Variants in WNK2 observed in about 807,000 individuals in gnomAD.
The protein encoded by WNK2 is WNK lysine deficient protein kinase 2.
In WNK2, 67 loss-of-function variants were observed where a neutral mutation model predicts 192.1. The ratio of observed to expected loss-of-function variants is 0.35; its 90% CI spans 0.29 to 0.43. The LOEUF (loss-of-function observed/expected upper bound fraction) is 0.43, where lower values mean the gene tolerates loss of function less well. Ranked by LOEUF, WNK2 falls within the 20% of genes least tolerant of loss-of-function variation. The probability of loss-of-function intolerance (pLI) is 1.00; values close to 1 mark genes in which losing one functional copy is unlikely to be tolerated. For synonymous variants in WNK2, 1,439 were observed against 1,393.9 expected (o/e 1.03, Z -0.72); for missense variants, 2,698 against 3,089.7 (o/e 0.87, Z 3.01).
chr9:93,204,856 G>A (rs1263408666), intron 2 of WNK2, among the ~76,000 whole-genome samples: 1 of 152,190 alleles, frequency 6.6e-6, no homozygotes, highest in African/African-American at 2.4e-5. Flanking sequence ...GAGCCTTGGG[G>A]CTGTGTGTTT....
At chr9:93,235,523 C>T (rs1216135707) in intron 5 of WNK2, among the ~76,000 whole-genome samples, 3 of 152,220 alleles carry the variant, frequency 2.0e-5, no homozygotes, top group African/African-American at 4.8e-5. Context: ...TTTAATCGGA[C>T]GGCTTCAGCT....
intron 2 of WNK2, among the ~76,000 whole-genome samples, chr9:93,210,666 G>A (rs1834337509): frequency 6.6e-6 from 1 of 152,198 alleles, no homozygotes; most frequent in Non-Finnish European, 1.5e-5. Context: ...CTGAGCAGGT[G>A]AGGGCTCTTT....
chr9:93,199,625 G>C (rs1831953840), intron 2 of WNK2, among the ~76,000 whole-genome samples: 1 of 152,138 alleles, frequency 6.6e-6, no homozygotes, highest in African/African-American at 2.4e-5. Flanking sequence ...TGGGCCGGGT[G>C]CGGTGGCTCA....
At chr9:93,312,748 C>T (rs1321446468) in intron 28 of WNK2, among the ~76,000 whole-genome samples, 1 of 152,122 alleles carries the variant, frequency 6.6e-6, no homozygotes, top group African/African-American at 2.4e-5. Context: ...ACTGCTTTCC[C>T]CTTTGAATGG....
Position 93,256,443 on chromosome 9 carries a change from C to T in WNK2, c.2179C>T (p.Pro727Ser). ...CACGGGCCCAGGCCAGCCAGCACCC[C>T]CCGGCCAGCAGGTGAGTGTGGCACC... ...MPTGPGQPAP[P>S]GQQPPPLAQP... Residue 727 changes from proline to serine, a missense_variant, in exon 10 of 30, where the codon CCC (proline) becomes TCC (serine). Around this residue, in one of 7 missense-constraint regions of WNK2, gnomAD observed 893 missense variants for 909.0 expected, o/e 0.98. Transcript: ENST00000427277. 1 of 1,528,504 alleles carries T rather than the reference C, an allele frequency of 6.5e-7. No homozygotes were observed. Among genetic ancestry groups the T allele is most frequent in the Non-Finnish European group, 8.8e-7 (1 of 1,142,370 alleles). The allele number at this position is 1,528,504 out of a possible 1,614,324, so 94.7% of individuals were successfully genotyped here.
chr9:93,297,769 C>T (rs1850853759), intron 23 of WNK2, 84 bp from the exon 24 acceptor site: 6 of 1,416,814 alleles, frequency 4.2e-6, no homozygotes, highest in Admixed American at 2.1e-5. Flanking sequence ...CATGTTCTCC[C>T]ACGCCACCTC....
At chr9:93,214,585 T>A (rs2131622451) in intron 2 of WNK2, among the ~76,000 whole-genome samples, 1 of 151,976 alleles carries the variant, frequency 6.6e-6, no homozygotes, top group African/African-American at 2.4e-5. Flanking sequence ...GTTACAGGCA[T>A]GAGCCACCAC....
At chr9:93,260,155 G>A (rs1443268987) in intron 12 of WNK2, among the ~76,000 whole-genome samples, 7 of 152,168 alleles carry the variant, frequency 4.6e-5, no homozygotes, top group Admixed American at 6.5e-5. Context: ...CGGATACCTC[G>A]TGGCAGCATG....
At chr9:93,311,609 T>TGTTTGTGTGTGTGTGTGTG (rs1554755193) in intron 28 of WNK2, among the ~76,000 whole-genome samples, 2 of 30,712 alleles carry the variant, frequency 6.5e-5, no homozygotes, top group African/African-American at 1.6e-4. Context: ...CTGGGTTTTT[T>TGTTTGTGTGTGTGTGTGTG]TGTTTGTGTG....
chr9:93,184,828 G>T (rs1018314264), intron 1 of WNK2, 100 bp from the exon 2 acceptor site: 7 of 1,031,194 alleles, frequency 6.8e-6, no homozygotes, highest in Non-Finnish European at 7.4e-6. Flanking sequence ...GGCCGGGGCT[G>T]GGCAGGTTGC....
At position 93,204,673 on chromosome 9, in the gene WNK2, A is replaced by G. The variant is rs547449963; in HGVS notation, c.681+19063A>G. Among the ~76,000 whole-genome samples the G allele has an allele frequency of 9.2e-5, 14 of 152,346 alleles. 1 individual carries two copies. In the South Asian group the frequency reaches 2.9e-3, roughly 32 times the overall value. ...AGGATGGGACAGAGTGGGTGTTTGC[A>G]GGCTCTGTGACACGGGCTGACATTC... On this transcript the variant is annotated intron_variant, in intron 2 of 29. Coordinates refer to ENST00000427277, the MANE Select transcript of WNK2 (RefSeq NM_006648.4).
chr9:93,318,838 A>C, intron 29 of WNK2: 2 of 1,398,100 alleles, frequency 1.4e-6, no homozygotes, highest in Non-Finnish European at 1.9e-6. Flanking sequence ...GTGGGAGGGG[A>C]AGGCCCCAGC....
intron 26 of WNK2, among the ~76,000 whole-genome samples, chr9:93,303,622 C>G (rs967537832): frequency 2.6e-5 from 4 of 152,234 alleles, no homozygotes; most frequent in African/African-American, 7.2e-5. Flanking sequence ...CCACCCTGCA[C>G]TGCGCCCACC....
chr9:93,221,543 C>G (rs1018270841), intron 2 of WNK2, among the ~76,000 whole-genome samples: 2 of 152,226 alleles, frequency 1.3e-5, no homozygotes, highest in Non-Finnish European at 2.9e-5. Flanking sequence ...CACCCATGGA[C>G]ACCCCAAGTA....
rs756092305 is a variant in WNK2 at position 93,261,891 on chromosome 9, G to A, written c.3144G>A (p.Ala1048=). Residue 1048 remains alanine, a synonymous_variant, in exon 13 of 30, where the codon GCG becomes GCA. Coordinates refer to ENST00000427277, the MANE Select transcript of WNK2 (RefSeq NM_006648.4). ...QVPTVPVPPA[A]VLSPPLPEVL... is the part of the protein sequence containing the mutation. ...CCACCGTGCCTGTGCCACCGGCTGC[G>A]GTCCTCTCGCCGCCTCTGCCGGAAG... The A allele has an allele frequency of 1.9e-6, 3 of 1,603,490 alleles. No homozygotes were observed. The highest frequency in any genetic ancestry group is 1.7e-5 in the Admixed American group (1 of 59,988).
At chr9:93,195,110 G>C (rs890577866) in intron 2 of WNK2, among the ~76,000 whole-genome samples, 1 of 151,874 alleles carries the variant, frequency 6.6e-6, no homozygotes, top group Non-Finnish European at 1.5e-5. Flanking sequence ...AAACTATTTT[G>C]TATGATACTT....
chr9:93,300,737 G>A (rs188401986), intron 26 of WNK2, among the ~76,000 whole-genome samples: 6 of 152,208 alleles, frequency 3.9e-5, no homozygotes, highest in Non-Finnish European at 5.9e-5. Flanking sequence ...CACACCCACC[G>A]CCCTGTGCCC....
intron 2 of WNK2, among the ~76,000 whole-genome samples, chr9:93,213,795 C>A (rs1291249096): frequency 7.1e-6 from 1 of 141,266 alleles, no homozygotes; most frequent in Non-Finnish European, 1.5e-5. Context: ...ATCTCAAAAA[C>A]AAAACAAAAC....
At chr9:93,264,976 C>T (rs1184367634) in intron 16 of WNK2, among the ~76,000 whole-genome samples, 3 of 152,234 alleles carry the variant, frequency 2.0e-5, no homozygotes, top group East Asian at 1.9e-4. Flanking sequence ...GCCCTGGCTT[C>T]GTGAAAGCCT....
Sources: gnomAD v4.1 joint callset for allele counts (sites outside exome capture counted in the v4.1 genomes callset) on GRCh38, gnomAD v4.1.1 for gene constraint, gnomAD v4.1.1 regional missense constraint, MANE v1.5 for transcripts, NCBI Gene and HGNC (gene_info 2026-07-23, HGNC 2026-07-21) for gene names.